The following GGT5 variants were observed in gnomAD, a reference collection of about 807,000 sequenced individuals.
GGT5 encodes glutathione hydrolase 5 proenzyme.
GGT5 carries 50 observed loss-of-function variants against 58.1 expected under a neutral mutation model. The observed-to-expected ratio is 0.86, with a 90% CI of 0.69 to 1.09. GGT5 has a LOEUF of 1.09. GGT5 is among the 50% of genes least tolerant of loss of function. GGT5 has a pLI of 0.00. For synonymous variants in GGT5, 370 were observed against 346.1 expected (o/e 1.07, Z -0.77); for missense variants, 800 against 789.4 (o/e 1.01, Z -0.16).
chr22:24,233,464 G>C (rs768678967), intron 3 of GGT5, 34 bp downstream of exon 3: 3 of 1,246,756 alleles, frequency 2.4e-6, no homozygotes, highest in African/African-American at 3.0e-5. Context: ...AGTGGCCTGG[G>C]GGGTGGGAGT....
chr22:24,225,302 C>T lies in GGT5; in HGVS notation c.1446G>A (p.Gly482=), dbSNP rs150033594. 9.9e-6 allele frequency: 16 copies of T among 1,613,968 alleles called. No homozygotes were observed. In the Admixed American group the frequency reaches 2.3e-4, roughly 24 times the overall value. The change falls in exon 10 of 12, where the codon GGG becomes GGA. Residue 482 remains glycine, a synonymous_variant. Coordinates refer to ENST00000327365, the MANE Select transcript of GGT5 (RefSeq NM_004121.5). ...CAGCCCCGCCAATCACTAGCTTCGA[C>T]CCCTGGGCTTTGTTGATCAAGATGG... ...VPSILINKAQ[G]SKLVIGGAGG...
At position 24,244,829 on chromosome 22, in the gene GGT5, G is replaced by C; in HGVS notation, c.-104C>G. On this transcript the variant is annotated 5_prime_UTR_variant, in exon 1 of 12. Coordinates refer to ENST00000327365, the MANE Select transcript of GGT5 (RefSeq NM_004121.5). ...AGATGCACAGAGTCACAGGTAATTGGACAGATGGACAAACAGGTGGGGGCT... is the reference window on the plus strand; with the variant it reads ...AGATGCACAGAGTCACAGGTAATTGCACAGATGGACAAACAGGTGGGGGCT... The C allele has an allele frequency of 6.9e-7, 1 of 1,458,172 alleles. No individual in the cohort carries two copies. Among genetic ancestry groups the C allele is most frequent in the Non-Finnish European group, 9.1e-7 (1 of 1,104,462 alleles). 90.3% of individuals were successfully genotyped at this position (1,458,172 alleles called of 1,614,324 possible). A position where few individuals can be genotyped will look rare whatever the true frequency, so the allele number is the denominator to read the frequency against.
At chr22:24,222,457 C>T (rs1262244644) in intron 11 of GGT5, among the ~76,000 whole-genome samples, 2 of 152,202 alleles carry the variant, frequency 1.3e-5, no homozygotes, top group Non-Finnish European at 2.9e-5. Flanking sequence ...CTCAGAGACT[C>T]CATTCCTCAG....
At chr22:24,237,407 AT>A (rs1338925617) in intron 1 of GGT5, among the ~76,000 whole-genome samples, 1 of 55,564 alleles carries the variant, frequency 1.8e-5, no homozygotes, top group African/African-American at 5.4e-5. Context: ...ATTATTTTAT[AT>A]TTATTTATTT....
Position 24,244,229 on chromosome 22 carries a change from C to T in GGT5, c.173+324G>A, listed in dbSNP as rs577586730. The stretch of plus-strand genomic sequence containing the variant: ...CAAGGGCCCTGAGGCTGCCTCCTTG[C>T]GCCCAAGACCTGCAGGTGCTGAAGC... On this transcript the variant is annotated intron_variant, in intron 1 of 11. Transcript: ENST00000327365. The T allele has an allele frequency of 5.6e-4, 174 of 311,414 alleles. 4 individuals are homozygous for T. In the South Asian group the frequency reaches 8.0e-3, roughly 14 times the overall value. 19.3% of individuals were successfully genotyped at this position (311,414 alleles called of 1,614,324 possible).
chr22:24,225,388 C>A lies in GGT5; in HGVS notation c.1360G>T (p.Ala454Ser). 1 of 1,607,422 alleles carries A rather than the reference C, an allele frequency of 6.2e-7. No homozygotes were observed. The highest frequency in any genetic ancestry group is 1.1e-5 in the South Asian group (1 of 90,158). The change falls in exon 10 of 12, where the codon GCT becomes TCT. Residue 454 changes from alanine to serine, a missense_variant. Physicochemically the swap from Ala to Ser is moderately conservative, Grantham distance 99. Coordinates refer to ENST00000327365, the MANE Select transcript of GGT5 (RefSeq NM_004121.5). Reference sequence around the variant, plus strand: ...ACTGGGGGCCAGCACCTTCCGGGAGCTCCACCCACCCTGTCTCCACTCACT... The same window carrying A: ...ACTGGGGGCCAGCACCTTCCGGGAGATCCACCCACCCTGTCTCCACTCACT... ...SPVSGDRVGGAPGRCWPPVPG... is the reference protein window; with the variant it reads ...SPVSGDRVGGSPGRCWPPVPG...
At chr22:24,225,204 G>T (rs369915142) in intron 10 of GGT5, 41 bp downstream of exon 10, 3 of 1,601,322 alleles carry the variant, frequency 1.9e-6, no homozygotes, top group Non-Finnish European at 2.6e-6. Flanking sequence ...ACAGTATGCT[G>T]CCCAGAGAGG....
At chr22:24,235,742 G>A (rs1601414343) in intron 1 of GGT5, among the ~76,000 whole-genome samples, 1 of 152,144 alleles carries the variant, frequency 6.6e-6, no homozygotes, top group Non-Finnish European at 1.5e-5. Context: ...CCAGACAAAG[G>A]CCTCACTTCC....
At chr22:24,240,598 C>T (rs571014644) in intron 1 of GGT5, among the ~76,000 whole-genome samples, 13 of 152,026 alleles carry the variant, frequency 8.6e-5, no homozygotes, top group Admixed American at 5.2e-4. Context: ...ATGCGATTCT[C>T]CCCGCTCAGC....
At chr22:24,226,942 A>ATT (rs34544519) in intron 6 of GGT5, among the ~76,000 whole-genome samples, 175 bp from the exon 7 acceptor site, 46 of 109,268 alleles carry the variant, frequency 4.2e-4, no homozygotes, top group Non-Finnish European at 5.1e-4. Flanking sequence ...TAAGTTAAGG[A>ATT]TTTTTTTTTT....
chr22:24,232,728 T>G (rs936115853), intron 4 of GGT5, 95 bp downstream of exon 4: 32 of 820,860 alleles, frequency 3.9e-5, no homozygotes, highest in Non-Finnish European at 5.8e-5. Flanking sequence ...AATCCTCCAG[T>G]GTAAGAGGGA....
chr22:24,229,873 G>T (rs1174663456), intron 6 of GGT5, among the ~76,000 whole-genome samples: 1 of 148,588 alleles, frequency 6.7e-6, no homozygotes, highest in Non-Finnish European at 1.5e-5. Flanking sequence ...AAAAAAAAAA[G>T]AAATCACCAC....
chr22:24,224,700 A>G (rs2047697936), intron 11 of GGT5, among the ~76,000 whole-genome samples: 1 of 152,226 alleles, frequency 6.6e-6, no homozygotes, highest in African/African-American at 2.4e-5. Flanking sequence ...GGCCCCAGCC[A>G]GGAAAACTCA....
chr22:24,240,928 C>T (rs1290927369), intron 1 of GGT5, among the ~76,000 whole-genome samples: 4 of 152,098 alleles, frequency 2.6e-5, no homozygotes, highest in East Asian at 1.9e-4. Context: ...GAGGCCAAAG[C>T]GGGCAGATCA....
intron 1 of GGT5, chr22:24,242,304 G>C (rs1460380019): frequency 6.6e-6 from 1 of 152,270 alleles, no homozygotes; most frequent in East Asian, 1.9e-4. Context: ...AGTGCTGAAA[G>C]AGTAGGAGAT....
chr22:24,222,070 T>C (rs1044146168), intron 11 of GGT5, among the ~76,000 whole-genome samples: 11 of 151,964 alleles, frequency 7.2e-5, no homozygotes. Context: ...TCCCAGCTAC[T>C]TGGGAGGCTG....
chr22:24,244,335 AC>A, intron 1 of GGT5: 1 of 565,534 alleles, frequency 1.8e-6, no homozygotes, highest in East Asian at 2.9e-5. Context: ...ACATACACAT[AC>A]CCACACACAA....
intron 1 of GGT5, chr22:24,242,635 G>C (rs1429691919): frequency 6.6e-6 from 1 of 152,358 alleles, no homozygotes; most frequent in Non-Finnish European, 1.5e-5. Context: ...CTGGACTCTG[G>C]GAGGGCCTCC....
rs758953147 is a variant in GGT5, at chr22:24,232,151, A to G, written c.654T>C (p.Pro218=). 3.8e-6 allele frequency: 6 copies of G among 1,577,756 alleles called. No individual in the cohort carries two copies. The South Asian group carries it at 6.8e-5, about 18-fold the overall frequency. The change falls in exon 5 of 12, where the codon CCT becomes CCC. Residue 218 remains proline, a synonymous_variant. Coordinates refer to ENST00000327365, the MANE Select transcript of GGT5 (RefSeq NM_004121.5). The part of the protein sequence containing the change: ...PLRPQDPLPW[P]ALATTLETVA... ...CGGTCTCCAGGGTGGTGGCCAGTGCAGGCCATGGGAGTGGGTCCTGAGGCC... is the reference window on the plus strand; with the variant it reads ...CGGTCTCCAGGGTGGTGGCCAGTGCGGGCCATGGGAGTGGGTCCTGAGGCC...
Sources: allele counts gnomAD v4.1 joint callset (sites outside exome capture counted in the v4.1 genomes callset), GRCh38; gene constraint gnomAD v4.1.1; transcripts MANE v1.5; gene names NCBI Gene and HGNC (gene_info 2026-07-23, HGNC 2026-07-21).